Variants in RARB observed in about 807,000 individuals in gnomAD.
RARB encodes HBV-activated protein.
In RARB, 17 loss-of-function variants were observed where a neutral mutation model predicts 51.9. That is an observed-to-expected ratio of 0.33 (90% CI 0.22 to 0.49). RARB has a LOEUF of 0.49. Among genes scored for constraint, RARB ranks in the 20% least tolerant of loss-of-function variants. The pLI is 0.99. For missense variants in RARB, 369 were observed against 550.8 expected (o/e 0.67, Z 3.30); for synonymous variants, 215 against 195.4 (o/e 1.10, Z -0.84).
rs1700403027 is a variant in RARB, at chr3:25,157,738, T to C, written c.-279-16381T>C. ...ACTCATTTGATCTTCTTCACAAATT[T>C]GTGTGCTAAGTCCTGTTATTTTCTC... On this transcript the variant is annotated intron_variant, in intron 4 of 11. Transcript: ENST00000383772. Among the ~76,000 whole-genome samples the C allele has an allele frequency of 3.3e-5, 5 of 152,322 alleles. No homozygotes were observed. The South Asian group carries it at 1.0e-3, about 32-fold the overall frequency.
chr3:25,216,189 C>T (rs1213672389), intron 5 of RARB, among the ~76,000 whole-genome samples: 1 of 152,132 alleles, frequency 6.6e-6, no homozygotes, highest in Non-Finnish European at 1.5e-5. Context: ...GCCAATGGGC[C>T]CCCTGCTTGC....
Position 25,593,559 on chromosome 3 carries a change from C to T in RARB, c.843C>T (p.Asp281=), listed in dbSNP as rs139485327. The change falls in exon 6 of 8, where the codon GAC becomes GAT. Residue 281 remains aspartate (D), a synonymous_variant. Coordinates refer to ENST00000330688, the MANE Select transcript of RARB (RefSeq NM_000965.5). Reference sequence around the variant, plus strand: ...AACAAGACACCATGACTTTCTCAGACGGCCTTACCCTAAATCGAACTCAGA... The same window carrying T: ...AACAAGACACCATGACTTTCTCAGATGGCCTTACCCTAAATCGAACTCAGA... ...TPEQDTMTFS[D]GLTLNRTQMH... is the part of the protein sequence containing the mutation. 5.8e-5 allele frequency: 93 copies of T among 1,613,942 alleles called. 1 individual carries two copies. Among genetic ancestry groups the T allele is most frequent in the East Asian group, 2.0e-4 (9 of 44,880 alleles).
At chr3:25,523,285 TAGAA>T (rs1220120918) in intron 3 of RARB, among the ~76,000 whole-genome samples, 1 of 152,166 alleles carries the variant, frequency 6.6e-6, no homozygotes. Context: ...TTCTTATAAA[TAGAA>T]AGACTTTTTC....
intron 4 of RARB, among the ~76,000 whole-genome samples, chr3:25,165,848 T>C (rs1700552283): frequency 6.6e-6 from 1 of 152,208 alleles, no homozygotes; most frequent in Admixed American, 6.5e-5. Context: ...CAGTGTTTTA[T>C]ACATTGTAAT....
At chr3:24,929,150 T>C (rs1695389031) in intron 2 of RARB, among the ~76,000 whole-genome samples, 1 of 152,080 alleles carries the variant, frequency 6.6e-6, no homozygotes, top group Non-Finnish European at 1.5e-5. Flanking sequence ...AATAATATAT[T>C]TAATTAGTAA....
intron 5 of RARB, among the ~76,000 whole-genome samples, chr3:25,372,661 AAAAC>A (rs544436699): frequency 3.3e-5 from 5 of 152,118 alleles, no homozygotes; most frequent in Admixed American, 6.5e-5. Context: ...TGTCTTTACA[AAAAC>A]AAACAAACAA....
intron 2 of RARB, among the ~76,000 whole-genome samples, chr3:24,953,942 C>T (rs376302593): frequency 2.6e-5 from 4 of 152,086 alleles, no homozygotes; most frequent in Admixed American, 6.6e-5. Flanking sequence ...TACAGTAAAT[C>T]GAGCTTTGTT....
intron 5 of RARB, among the ~76,000 whole-genome samples, chr3:25,397,349 C>CT (rs74694178): frequency 0.86 from 130,343 of 152,196 alleles, 56,060 homozygotes; most frequent in East Asian, 1. Flanking sequence ...CAGAAGTGGA[C>CT]TTCCCCCATC....
chr3:25,109,154 A>C (rs900779492), intron 3 of RARB, among the ~76,000 whole-genome samples: 1 of 152,208 alleles, frequency 6.6e-6, no homozygotes, highest in African/African-American at 2.4e-5. Context: ...CCAAATGATA[A>C]GCGTTCAAAT....
In RARB at chr3:25,596,124, C is replaced by T. The variant is rs561015707; in HGVS notation, c.1151-296C>T. Among the ~76,000 whole-genome samples the T allele has an allele frequency of 2.2e-4, 33 of 152,318 alleles. No homozygotes were observed. In the South Asian group the frequency reaches 6.6e-3, roughly 31 times the overall value. ...TAAAAAGACCCTCTCTATCAACATA[C>T]TATGAGTCTGAGCTGGTTGAGAACC... is the stretch of plus-strand genomic sequence containing the variant. On this transcript the variant is annotated intron_variant, in intron 7 of 7. Transcript: ENST00000330688.
chr3:25,366,905 A>G (rs371873166), intron 5 of RARB, among the ~76,000 whole-genome samples: 1 of 152,140 alleles, frequency 6.6e-6, no homozygotes, highest in Non-Finnish European at 1.5e-5. Context: ...GTTAGGCCCA[A>G]ATTTAACCAT....
intron 3 of RARB, among the ~76,000 whole-genome samples, chr3:25,503,381 T>C (rs755944583): frequency 2.6e-5 from 4 of 152,220 alleles, no homozygotes; most frequent in Non-Finnish European, 5.9e-5. Context: ...AAATTATAAA[T>C]GAGTAAGCCA....
At chr3:25,124,112 C>T (rs994381078) in intron 3 of RARB, among the ~76,000 whole-genome samples, 28 of 152,170 alleles carry the variant, frequency 1.8e-4, no homozygotes, top group East Asian at 9.6e-4. Flanking sequence ...CGGTGGCTCA[C>T]GCCTGTAATC....
chr3:25,017,006 A>G (rs769763926), intron 2 of RARB, among the ~76,000 whole-genome samples: 25 of 152,152 alleles, frequency 1.6e-4, no homozygotes, highest in Non-Finnish European at 3.2e-4. Flanking sequence ...CATCATTTCC[A>G]CTGTGTATTG....
chr3:24,970,901 G>C (rs953260536), intron 2 of RARB, among the ~76,000 whole-genome samples: 2 of 152,020 alleles, frequency 1.3e-5, no homozygotes, highest in Middle Eastern at 3.4e-3. Context: ...CTTTCTACTT[G>C]ATGCTTATAC....
At chr3:25,114,477 G>A (rs961945453) in intron 3 of RARB, among the ~76,000 whole-genome samples, 1 of 152,102 alleles carries the variant, frequency 6.6e-6, no homozygotes, top group African/African-American at 2.4e-5. Context: ...ATCTTGTAGG[G>A]ATTTTACTTT....
chr3:25,556,710 G>A (rs1700073392), intron 3 of RARB, among the ~76,000 whole-genome samples: 1 of 152,126 alleles, frequency 6.6e-6, no homozygotes, highest in Non-Finnish European at 1.5e-5. Flanking sequence ...AATTAAATGA[G>A]AATGTATGTC....
chr3:25,340,664 C>T lies in RARB; in HGVS notation c.179-120529C>T, dbSNP rs769602024. On this transcript the variant is annotated intron_variant, in intron 5 of 11. Transcript: ENST00000383772. ...AATACTTTGCCTCACTTCAGCATTC[C>T]TATTCTTGGCAGTTGATTTGGCTAG... Among the ~76,000 whole-genome samples, 68 of 152,146 alleles carry T rather than the reference C, an allele frequency of 4.5e-4. 1 individual carries two copies. Among genetic ancestry groups the T allele is most frequent in the Non-Finnish European group, 1.5e-4 (10 of 68,030 alleles).
chr3:24,909,312 C>T (rs1021141826), intron 2 of RARB, among the ~76,000 whole-genome samples: 1 of 152,168 alleles, frequency 6.6e-6, no homozygotes, highest in Non-Finnish European at 1.5e-5. Flanking sequence ...TCTTCTATAA[C>T]ACATTTCTAT....
Sources: allele counts gnomAD v4.1 joint callset (sites outside exome capture counted in the v4.1 genomes callset), GRCh38; gene constraint gnomAD v4.1.1; transcripts MANE v1.5; gene names NCBI Gene and HGNC (gene_info 2026-07-23, HGNC 2026-07-21).